The following ESRRG variants were observed in gnomAD, a reference collection of about 807,000 sequenced individuals.
ESRRG encodes the protein estrogen-related receptor gamma.
ESRRG carries 13 observed loss-of-function variants against 44.0 expected under a neutral mutation model. The ratio of observed to expected loss-of-function variants is 0.30; its 90% confidence interval spans 0.19 to 0.47. ESRRG has a LOEUF of 0.47. Ranked by LOEUF, ESRRG falls within the 20% of genes least tolerant of loss-of-function variation. The probability of loss-of-function intolerance (pLI) is 1.00; values close to 1 mark genes in which losing one functional copy is unlikely to be tolerated. For synonymous variants in ESRRG, 215 were observed against 214.6 expected (o/e 1.00, Z -0.02); for missense variants, 395 against 580.6 (o/e 0.68, Z 3.29).
intron 1 of ESRRG, among the ~76,000 whole-genome samples, chr1:216,971,311 T>C (rs1452029543): frequency 6.6e-6 from 1 of 152,198 alleles, no homozygotes; most frequent in African/African-American, 2.4e-5. Context: ...AACTGCAGAA[T>C]GGAGGGAGAG....
intron 1 of ESRRG, among the ~76,000 whole-genome samples, chr1:216,703,298 G>A (rs2081786029): frequency 6.6e-6 from 1 of 151,926 alleles, no homozygotes; most frequent in South Asian, 2.1e-4. Flanking sequence ...GATAACTGAT[G>A]ATCTTTAAAA....
At chr1:216,627,924 T>G (rs1437072325) in intron 3 of ESRRG, among the ~76,000 whole-genome samples, 2 of 152,202 alleles carry the variant, frequency 1.3e-5, no homozygotes, top group Non-Finnish European at 2.9e-5. Flanking sequence ...CTTGGAACCA[T>G]GTGAAAATTA....
chr1:216,532,349 C>T (rs925702973), intron 5 of ESRRG, among the ~76,000 whole-genome samples: 1 of 152,114 alleles, frequency 6.6e-6, no homozygotes. Flanking sequence ...GGGATCAAGC[C>T]GCTGCTTGGT....
chr1:216,952,824 T>G (rs1405700731), intron 1 of ESRRG, among the ~76,000 whole-genome samples: 1 of 152,146 alleles, frequency 6.6e-6, no homozygotes, highest in African/African-American at 2.4e-5. Flanking sequence ...TTCCTGGCAC[T>G]GTTTTACTGT....
chr1:216,786,946 C>T (rs1240892003), intron 2 of ESRRG, among the ~76,000 whole-genome samples: 1 of 152,120 alleles, frequency 6.6e-6, no homozygotes, highest in Non-Finnish European at 1.5e-5. Flanking sequence ...TTGCACTTCA[C>T]TTTACAGTGC....
chr1:217,076,119 T>C (rs537874334), intron 1 of ESRRG, among the ~76,000 whole-genome samples: 1 of 152,272 alleles, frequency 6.6e-6, no homozygotes, highest in East Asian at 1.9e-4. Context: ...GAAGTATGGC[T>C]CAAGAAACCA....
chr1:216,695,575 T>C (rs1156813846), intron 1 of ESRRG, among the ~76,000 whole-genome samples: 1 of 152,210 alleles, frequency 6.6e-6, no homozygotes, highest in Non-Finnish European at 1.5e-5. Flanking sequence ...CAGTACTTCA[T>C]GTTATGCTGA....
chr1:216,867,299 T>A (rs185572620), intron 2 of ESRRG, among the ~76,000 whole-genome samples: 1 of 152,312 alleles, frequency 6.6e-6, no homozygotes, highest in East Asian at 1.9e-4. Context: ...CTCCTTTTGC[T>A]TTGATAATAT....
intron 1 of ESRRG, among the ~76,000 whole-genome samples, chr1:217,027,843 G>A (rs902455312): frequency 1.3e-5 from 2 of 152,114 alleles, no homozygotes; most frequent in African/African-American, 4.8e-5. Context: ...GACCTTTAGT[G>A]GTTAAATGAA....
At chr1:217,071,023 C>A (rs1465016461) in intron 1 of ESRRG, among the ~76,000 whole-genome samples, 1 of 152,132 alleles carries the variant, frequency 6.6e-6, no homozygotes, top group Non-Finnish European at 1.5e-5. Flanking sequence ...ACTTTCTCTT[C>A]TTCCTCCTCC....
At position 216,564,515 on chromosome 1, in the gene ESRRG, A is replaced by G. The variant is rs530813264; in HGVS notation, c.701-135T>C. 21 of 607,004 alleles carry G rather than the reference A, an allele frequency of 3.5e-5. No individual in the cohort carries two copies. In the African/African-American group the frequency reaches 3.6e-4, roughly 10 times the overall value. 37.6% of individuals were successfully genotyped at this position (607,004 alleles called of 1,614,324 possible). A position where few individuals can be genotyped will look rare whatever the true frequency, so the allele number is the denominator to read the frequency against. On this transcript the variant is annotated intron_variant, in intron 4 of 6. Coordinates refer to ENST00000408911, the MANE Select transcript of ESRRG (RefSeq NM_001438.4). ...CGCTAAATATTCCAATTATGGCTCA[A>G]TAGGTATATATTAAACGGTGTGCAG...
intron 3 of ESRRG, among the ~76,000 whole-genome samples, chr1:216,622,985 C>A (rs992150927): frequency 6.6e-6 from 1 of 151,118 alleles, no homozygotes; most frequent in African/African-American, 2.4e-5. Flanking sequence ...AATATTCATC[C>A]TTTTTTCCTC....
chr1:216,647,482 C>T (rs1192433026), intron 3 of ESRRG, among the ~76,000 whole-genome samples: 12 of 72,506 alleles, frequency 1.7e-4, no homozygotes, highest in Non-Finnish European at 3.2e-4. Flanking sequence ...TTTTCTTCAA[C>T]TGATACAATT....
At chr1:216,800,108 A>G (rs1284601746) in intron 2 of ESRRG, among the ~76,000 whole-genome samples, 1 of 152,204 alleles carries the variant, frequency 6.6e-6, no homozygotes, top group Non-Finnish European at 1.5e-5. Context: ...TAAATAAGCT[A>G]ACATTGCAGG....
rs561952031 is a variant in ESRRG at position 216,549,987 on chromosome 1, G to A, written c.862+14232C>T. ...ATGTTGGCATCTGACTGCAACAGCC[G>A]TGCGGAAGTCAGTTCAAGTCCTTAC... On this transcript the variant is annotated intron_variant, in intron 5 of 6. Transcript: ENST00000408911. Among the ~76,000 whole-genome samples the A allele has an allele frequency of 5.5e-4, 84 of 152,184 alleles. 1 individual carries two copies. Among genetic ancestry groups the A allele is most frequent in the South Asian group, 8.3e-4 (4 of 4,814 alleles).
chr1:216,595,734 A>G (rs1394843279), intron 3 of ESRRG, among the ~76,000 whole-genome samples: 1 of 152,210 alleles, frequency 6.6e-6, no homozygotes, highest in Non-Finnish European at 1.5e-5. Flanking sequence ...ATTCTTTAGA[A>G]TGCTGAATTT....
At chr1:217,066,406 TA>T (rs1193639270) in intron 1 of ESRRG, among the ~76,000 whole-genome samples, 1 of 145,016 alleles carries the variant, frequency 6.9e-6, no homozygotes, top group Non-Finnish European at 1.6e-5. Context: ...AGGTGCCCAC[TA>T]ATTTTTTGTA....
chr1:216,940,963 C>T (rs573368253), intron 1 of ESRRG, among the ~76,000 whole-genome samples: 11 of 152,092 alleles, frequency 7.2e-5, no homozygotes, highest in Non-Finnish European at 1.6e-4. Context: ...TGAAGATCAA[C>T]TAAGACAAGA....
At chr1:217,108,280 C>T (rs1279078607) in intron 1 of ESRRG, among the ~76,000 whole-genome samples, 2 of 152,138 alleles carry the variant, frequency 1.3e-5, no homozygotes, top group African/African-American at 4.8e-5. Flanking sequence ...TTTAGTTATT[C>T]CCCATCTCCT....
Sources: allele counts gnomAD v4.1 joint callset (sites outside exome capture counted in the v4.1 genomes callset), GRCh38; gene constraint gnomAD v4.1.1; transcripts MANE v1.5; gene names NCBI Gene and HGNC (gene_info 2026-07-23, HGNC 2026-07-21).